The following COLEC12 variants were observed in gnomAD, a reference collection of about 807,000 sequenced individuals.
COLEC12 encodes collectin subfamily member 12, also known as collectin-12.
COLEC12 carries 33 observed loss-of-function variants against 71.1 expected under a neutral mutation model. That is an observed-to-expected ratio of 0.46 (90% CI 0.35 to 0.62). The LOEUF (loss-of-function observed/expected upper bound fraction) is 0.62, where lower values mean the gene tolerates loss of function less well. COLEC12 is among the 20% of genes least tolerant of loss of function. The pLI, the probability that COLEC12 is intolerant of heterozygous loss-of-function variation, is 0.00. For synonymous variants in COLEC12, 350 were observed against 353.0 expected (o/e 0.99, Z 0.10); for missense variants, 765 against 916.1 (o/e 0.84, Z 2.13).
chr18:331,417 A>G (rs997551735), intron 8 of COLEC12, among the ~76,000 whole-genome samples: 3 of 152,210 alleles, frequency 2.0e-5, no homozygotes, highest in African/African-American at 7.2e-5. Flanking sequence ...TATGAGTTTC[A>G]TGATTTTTTT....
rs552609263 is a variant in COLEC12, at chr18:413,633, A to G, written c.59-56111T>C. Among the ~76,000 whole-genome samples the G allele has an allele frequency of 1.2e-4, 18 of 152,340 alleles. No individual in the cohort carries two copies. In the South Asian group the frequency reaches 3.5e-3, roughly 30 times the overall value. On this transcript the variant is annotated intron_variant, in intron 2 of 9. Transcript: ENST00000400256. ...GAGGCCAGGAGCTCAAGACCAGCCT[A>G]GGCAACATAATGAGACCCCATCTCT...
rs558102081 is a variant in COLEC12, at chr18:317,946, G to C, written c.*2099C>G. 6.6e-6 allele frequency: 1 copy of C among 151,930 alleles called. No homozygotes were observed. Among genetic ancestry groups the C allele is most frequent in the African/African-American group, 2.4e-5 (1 of 41,364 alleles). The allele number at this position is 151,930 out of a possible 1,614,324, so 9.4% of individuals were successfully genotyped here. A position where few individuals can be genotyped will look rare whatever the true frequency, so the allele number is the denominator to read the frequency against. The stretch of plus-strand genomic sequence containing the variant: ...GCAAAGCAGTACAGTCCACTTGTTC[G>C]CAGGTGGGAAAGTCAAACTCTGTCT... On this transcript the variant is annotated 3_prime_UTR_variant, in exon 10 of 10. Coordinates refer to ENST00000400256, the MANE Select transcript of COLEC12 (RefSeq NM_130386.3).
intron 2 of COLEC12, among the ~76,000 whole-genome samples, chr18:458,129 A>C (rs1377552255): frequency 6.6e-6 from 1 of 152,212 alleles, no homozygotes; most frequent in Non-Finnish European, 1.5e-5. Flanking sequence ...AAAAACGTTC[A>C]GCTCACTTGT....
At chr18:488,576 G>A (rs1917561804) in intron 1 of COLEC12, among the ~76,000 whole-genome samples, 2 of 152,044 alleles carry the variant, frequency 1.3e-5, no homozygotes, top group Non-Finnish European at 2.9e-5. Flanking sequence ...TCAATTTAGA[G>A]GCTAGGTGCA....
chr18:394,576 G>GA (rs1340687632), intron 2 of COLEC12, among the ~76,000 whole-genome samples: 1 of 152,220 alleles, frequency 6.6e-6, no homozygotes, highest in African/African-American at 2.4e-5. Flanking sequence ...TTTTGACCTT[G>GA]AAGGTTTCCC....
chr18:368,597 G>C (rs1004224158), intron 2 of COLEC12, among the ~76,000 whole-genome samples: 1 of 151,886 alleles, frequency 6.6e-6, no homozygotes. Flanking sequence ...GGGCGCGGTG[G>C]CTCAGGCCTG....
At chr18:365,928 C>T (rs1914845968) in intron 2 of COLEC12, among the ~76,000 whole-genome samples, 3 of 152,114 alleles carry the variant, frequency 2.0e-5, no homozygotes, top group Admixed American at 6.5e-5. Flanking sequence ...TCCTACTCCC[C>T]CCACCCCAAG....
chr18:396,979 T>C (rs1342145620), intron 2 of COLEC12, among the ~76,000 whole-genome samples: 2 of 152,136 alleles, frequency 1.3e-5, no homozygotes, highest in Non-Finnish European at 2.9e-5. Context: ...CGAATGCATC[T>C]CCTACCACCA....
At chr18:379,662 T>C (rs1481426796) in intron 2 of COLEC12, among the ~76,000 whole-genome samples, 1 of 152,166 alleles carries the variant, frequency 6.6e-6, no homozygotes, top group Admixed American at 6.5e-5. Context: ...GGCCTCTCGG[T>C]GCTTCTGACA....
At chr18:465,199 T>TTCAAGCAATTCTCGTGCCCCAGCC (rs1268399802) in intron 2 of COLEC12, among the ~76,000 whole-genome samples, 3 of 152,116 alleles carry the variant, frequency 2.0e-5, no homozygotes, top group Non-Finnish European at 4.4e-5. Flanking sequence ...GCCTCCCAGG[T>TTCAAGCAATTCTCGTGCCCCAGCC]TCAAGCAATT....
At chr18:356,385 T>C (rs904368461) in intron 3 of COLEC12, among the ~76,000 whole-genome samples, 2 of 152,128 alleles carry the variant, frequency 1.3e-5, no homozygotes, top group Non-Finnish European at 2.9e-5. Flanking sequence ...ACATTCACAA[T>C]TGTATTAAAA....
chr18:453,725 A>G (rs1459998771), intron 2 of COLEC12, among the ~76,000 whole-genome samples: 2 of 152,220 alleles, frequency 1.3e-5, no homozygotes, highest in Non-Finnish European at 2.9e-5. Flanking sequence ...GACTCATGCA[A>G]TTACGCTCCA....
chr18:452,060 C>T (rs992270531), intron 2 of COLEC12, among the ~76,000 whole-genome samples: 3 of 152,088 alleles, frequency 2.0e-5, no homozygotes, highest in African/African-American at 7.2e-5. Context: ...GTAACTTGCT[C>T]GAGAAAAAGA....
intron 1 of COLEC12, among the ~76,000 whole-genome samples, chr18:489,123 C>A (rs1219961632): frequency 6.6e-6 from 1 of 152,028 alleles, no homozygotes; most frequent in Non-Finnish European, 1.5e-5. Flanking sequence ...AAATAAAAGC[C>A]TAAAAGCTTC....
chr18:372,042 A>T (rs2143537686), intron 2 of COLEC12, among the ~76,000 whole-genome samples: 1 of 152,180 alleles, frequency 6.6e-6, no homozygotes, highest in East Asian at 1.9e-4. Flanking sequence ...TTCTGCTCTC[A>T]TTCTTCCCTC....
At chr18:459,489 C>A (rs1029533718) in intron 2 of COLEC12, among the ~76,000 whole-genome samples, 1 of 152,228 alleles carries the variant, frequency 6.6e-6, no homozygotes, top group Non-Finnish European at 1.5e-5. Context: ...GTAAATCAGA[C>A]AGCTTTCCTC....
At position 360,158 on chromosome 18, in the gene COLEC12, G is replaced by A. The variant is rs527832558; in HGVS notation, c.59-2636C>T. 6.9e-4 allele frequency among the ~76,000 whole-genome samples: 105 copies of A among 151,720 alleles called. 2 individuals are homozygous for A. The South Asian group carries it at 0.021, about 30-fold the overall frequency. On this transcript the variant is annotated intron_variant, in intron 2 of 9. Coordinates refer to ENST00000400256, the MANE Select transcript of COLEC12 (RefSeq NM_130386.3). ...TTTCTAATTCAGGAGGTCTGAGAAG[G>A]GACCTGAGAATTTGGATTTCTTTTT...
At chr18:467,973 TA>T (rs1471254267) in intron 2 of COLEC12, among the ~76,000 whole-genome samples, 8 of 152,088 alleles carry the variant, frequency 5.3e-5, no homozygotes, top group African/African-American at 1.9e-4. Context: ...TAATATATTT[TA>T]AAAATCAGGC....
At chr18:378,018 A>G (rs1330119345) in intron 2 of COLEC12, among the ~76,000 whole-genome samples, 3 of 152,188 alleles carry the variant, frequency 2.0e-5, no homozygotes, top group Admixed American at 6.5e-5. Flanking sequence ...AATTGTGCAC[A>G]TCTTCAGCCC....
Sources: allele counts gnomAD v4.1 joint callset (sites outside exome capture counted in the v4.1 genomes callset), GRCh38; gene constraint gnomAD v4.1.1; transcripts MANE v1.5; gene names NCBI Gene and HGNC (gene_info 2026-07-23, HGNC 2026-07-21).